SPIDR: variants seen among roughly 807,000 people sequenced by gnomAD.
SPIDR encodes the protein DNA repair-scaffolding protein.
In SPIDR, 93 loss-of-function variants were observed where a neutral mutation model predicts 104.6. That is an observed-to-expected ratio of 0.89 (90% confidence interval 0.75 to 1.06). SPIDR has a LOEUF of 1.06. Ranked by LOEUF, SPIDR falls within the 50% of genes least tolerant of loss-of-function variation. The pLI is 0.00. For synonymous variants in SPIDR, 431 were observed against 416.9 expected, an observed-to-expected ratio of 1.03 and a Z score of -0.41; for missense variants, 1,154 against 1,111.2, an observed-to-expected ratio of 1.04 and a Z score of -0.55.
chr8:47,595,580 G>C (rs1394110500), intron 8 of SPIDR, among the ~76,000 whole-genome samples: 1 of 152,234 alleles, frequency 6.6e-6, no homozygotes, highest in African/African-American at 2.4e-5. Context: ...CCCAAGCCCA[G>C]GGACTTAGCC....
intron 8 of SPIDR, among the ~76,000 whole-genome samples, chr8:47,574,741 CGATCTT>C (rs1399119009): frequency 6.7e-6 from 1 of 149,470 alleles, no homozygotes; most frequent in Non-Finnish European, 1.5e-5. Flanking sequence ...GAGTAAGACT[CGATCTT>C]GAGAAGAGGA....
chr8:47,304,106 G>T (rs1357858547), intron 5 of SPIDR, among the ~76,000 whole-genome samples: 1 of 152,130 alleles, frequency 6.6e-6, no homozygotes, highest in Non-Finnish European at 1.5e-5. Context: ...CTTCCAAGAA[G>T]CATTTGCTAT....
intron 9 of SPIDR, among the ~76,000 whole-genome samples, chr8:47,597,715 G>C (rs1284604615): frequency 3.3e-5 from 5 of 152,162 alleles, no homozygotes; most frequent in Non-Finnish European, 7.3e-5. Context: ...GCATAAGCTT[G>C]AGTTTATATG....
At chr8:47,638,566 T>C (rs1563389261) in intron 10 of SPIDR, among the ~76,000 whole-genome samples, 1 of 152,240 alleles carries the variant, frequency 6.6e-6, no homozygotes, top group Non-Finnish European at 1.5e-5. Context: ...CTGGGAGAGC[T>C]TCTATAGCCC....
intron 5 of SPIDR, among the ~76,000 whole-genome samples, chr8:47,386,945 A>G (rs1184441684): frequency 6.6e-6 from 1 of 151,812 alleles, no homozygotes; most frequent in African/African-American, 2.4e-5. Flanking sequence ...ATATAGATAT[A>G]GATATAGATA....
At chr8:47,641,862 G>C (rs1002955722) in intron 10 of SPIDR, among the ~76,000 whole-genome samples, 5 of 152,224 alleles carry the variant, frequency 3.3e-5, no homozygotes, top group Non-Finnish European at 7.3e-5. Context: ...GTGGTGAACT[G>C]AGATGGAATA....
At chr8:47,592,321 C>A in intron 8 of SPIDR, 1 of 1,131,962 alleles carries the variant, frequency 8.8e-7, no homozygotes, top group Non-Finnish European at 1.3e-6. Flanking sequence ...TGCTGGGGAC[C>A]AGTTACCTTT....
chr8:47,416,850 C>T (rs1290478840), intron 7 of SPIDR, among the ~76,000 whole-genome samples: 6 of 152,090 alleles, frequency 3.9e-5, no homozygotes, highest in African/African-American at 1.4e-4. Context: ...TGTTCAGTTC[C>T]CACCTATGAG....
chr8:47,582,794 A>G (rs1394276406), intron 8 of SPIDR, among the ~76,000 whole-genome samples: 1 of 151,538 alleles, frequency 6.6e-6, no homozygotes, highest in East Asian at 1.9e-4. Context: ...TCTGGGCAAC[A>G]TAGCAAGACT....
chr8:47,400,388 C>T (rs1253442927), intron 6 of SPIDR, among the ~76,000 whole-genome samples: 1 of 152,224 alleles, frequency 6.6e-6, no homozygotes, highest in South Asian at 2.1e-4. Context: ...TGCTTAAATA[C>T]TAAAAATGAG....
At chr8:47,676,793 G>A (rs1295809026) in intron 11 of SPIDR, among the ~76,000 whole-genome samples, 7 of 152,142 alleles carry the variant, frequency 4.6e-5, no homozygotes, top group African/African-American at 9.7e-5. Flanking sequence ...AGCCCTACCC[G>A]CTGTTGAATG....
intron 8 of SPIDR, among the ~76,000 whole-genome samples, chr8:47,497,379 T>C (rs2154369559): frequency 6.6e-6 from 1 of 152,298 alleles, no homozygotes; most frequent in East Asian, 1.9e-4. Context: ...TAGCTTGATG[T>C]CATAAGTTGT....
chr8:47,642,824 G>C (rs1171526523), intron 10 of SPIDR, among the ~76,000 whole-genome samples: 1 of 152,126 alleles, frequency 6.6e-6, no homozygotes, highest in South Asian at 2.1e-4. Flanking sequence ...CAAGAGGATC[G>C]TTTGAGGCCA....
rs765902360 is a variant in SPIDR, at chr8:47,702,002, A to C, written c.1964A>C (p.Tyr655Ser). The C allele has an allele frequency of 6.2e-7, 1 of 1,612,740 alleles. No homozygotes were observed. The highest frequency in any genetic ancestry group is 8.5e-7 in the Non-Finnish European group (1 of 1,179,670). ...TGCAGTTTCTATGCCACGGTGATTT[A>C]CCAAAAACCACAGGTAATAATCTCT... is the stretch of plus-strand genomic sequence containing the variant. ...TRCSFYATVIYQKPQLKSLLL... is the reference protein window; with the variant it reads ...TRCSFYATVISQKPQLKSLLL... Residue 655 changes from tyrosine (Y) to serine (S), a missense_variant, in exon 14 of 20, where the codon TAC (tyrosine) becomes TCC (serine). Transcript: ENST00000297423.
rs1263000965 is a variant in SPIDR at position 47,324,348 on chromosome 8, A to G, written c.525+30318A>G. Among the ~76,000 whole-genome samples the G allele has an allele frequency of 5.1e-5, 7 of 137,358 alleles. No individual in the cohort carries two copies. The South Asian group carries it at 1.5e-3, about 30-fold the overall frequency. 90.1% of individuals were successfully genotyped at this position (137,358 alleles called of 152,430 possible). ...CCCCCATCCCCCATCCCCCATTTCC[A>G]TGTATGTGTCTGTTGTCATTCTCTA... On this transcript the variant is annotated intron_variant, in intron 5 of 19. Coordinates refer to ENST00000297423, the MANE Select transcript of SPIDR (RefSeq NM_001080394.4).
chr8:47,552,934 G>A (rs1263214713), intron 8 of SPIDR, among the ~76,000 whole-genome samples: 3 of 152,092 alleles, frequency 2.0e-5, no homozygotes, highest in Admixed American at 2.0e-4. Context: ...CTTCCTTCAG[G>A]AGCTCTTGCA....
At chr8:47,518,800 C>T (rs546953683) in intron 8 of SPIDR, among the ~76,000 whole-genome samples, 3 of 152,096 alleles carry the variant, frequency 2.0e-5, no homozygotes, top group Admixed American at 2.0e-4. Flanking sequence ...CCACGCCTGG[C>T]TAGTTTTTGT....
At chr8:47,474,735 A>G (rs568176326) in intron 8 of SPIDR, among the ~76,000 whole-genome samples, 1 of 152,360 alleles carries the variant, frequency 6.6e-6, no homozygotes, top group South Asian at 2.1e-4. Context: ...TTTTTAAAGA[A>G]TTGATTTAAG....
chr8:47,277,588 T>C (rs1231486826), intron 1 of SPIDR, among the ~76,000 whole-genome samples: 1 of 150,934 alleles, frequency 6.6e-6, no homozygotes. Flanking sequence ...ACTCCTGGGC[T>C]CAAGTAGTCC....
Sources: gnomAD v4.1 joint callset for allele counts (sites outside exome capture counted in the v4.1 genomes callset) on GRCh38, gnomAD v4.1.1 for gene constraint, MANE v1.5 for transcripts, NCBI Gene and HGNC (gene_info 2026-07-23, HGNC 2026-07-21) for gene names.